The following FGF14 variants were observed in gnomAD, a reference collection of about 807,000 sequenced individuals.
The protein encoded by FGF14 is fibroblast growth factor homologous factor 4.
Under a neutral mutation model 25.5 loss-of-function variants are expected in FGF14, and 5 were observed. That is an observed-to-expected ratio of 0.20 (90% CI 0.10 to 0.41). The LOEUF (loss-of-function observed/expected upper bound fraction) is 0.41. Ranked by LOEUF, FGF14 falls within the 10% of genes least tolerant of loss-of-function variation. The pLI is 1.00. For synonymous variants in FGF14, 138 were observed against 118.3 expected, an observed-to-expected ratio of 1.17 and a Z score of -1.08; for missense variants, 222 against 320.1, an observed-to-expected ratio of 0.69 and a Z score of 2.34.
chr13:102,097,366 T>A (rs2044450902), intron 1 of FGF14, among the ~76,000 whole-genome samples: 3 of 152,200 alleles, frequency 2.0e-5, no homozygotes, highest in Admixed American at 2.0e-4. Flanking sequence ...AAATATACTA[T>A]CCCTTGGTGA....
At chr13:102,112,731 A>G (rs753734127) in intron 1 of FGF14, among the ~76,000 whole-genome samples, 2 of 152,200 alleles carry the variant, frequency 1.3e-5, no homozygotes, top group Non-Finnish European at 2.9e-5. Context: ...ATTTGATTTT[A>G]AAACATGTGC....
At chr13:102,032,642 G>C (rs1479865062) in intron 1 of FGF14, among the ~76,000 whole-genome samples, 1 of 152,044 alleles carries the variant, frequency 6.6e-6, no homozygotes, top group Non-Finnish European at 1.5e-5. Flanking sequence ...GCACTATGTG[G>C]GCCACCCACA....
chr13:101,995,659 T>A (rs1229762874), intron 1 of FGF14, among the ~76,000 whole-genome samples: 1 of 152,126 alleles, frequency 6.6e-6, no homozygotes, highest in African/African-American at 2.4e-5. Context: ...GGCTGAGTAC[T>A]AAAGAAAAGC....
intron 3 of FGF14, among the ~76,000 whole-genome samples, chr13:101,857,398 T>A (rs1167111935): frequency 6.6e-6 from 1 of 152,008 alleles, no homozygotes; most frequent in Non-Finnish European, 1.5e-5. Flanking sequence ...TTTATTAACA[T>A]GTGACTCATC....
intron 1 of FGF14, among the ~76,000 whole-genome samples, chr13:101,898,173 G>T (rs1445853548): frequency 6.6e-6 from 1 of 152,152 alleles, no homozygotes; most frequent in African/African-American, 2.4e-5. Flanking sequence ...GGGATTACAG[G>T]CATGAGCCAT....
At chr13:102,142,544 G>T (rs1372829936) in intron 1 of FGF14, among the ~76,000 whole-genome samples, 2 of 152,060 alleles carry the variant, frequency 1.3e-5, no homozygotes, top group South Asian at 4.1e-4. Context: ...TTATTATTTT[G>T]CTGGAAAAGG....
At chr13:102,122,565 T>C (rs775418433) in intron 1 of FGF14, among the ~76,000 whole-genome samples, 1 of 152,230 alleles carries the variant, frequency 6.6e-6, no homozygotes, top group Non-Finnish European at 1.5e-5. Context: ...TCAGTTGTTA[T>C]ATGACTGCCA....
chr13:101,777,650 G>A (rs2140008282), intron 3 of FGF14, among the ~76,000 whole-genome samples: 1 of 152,284 alleles, frequency 6.6e-6, no homozygotes, highest in Middle Eastern at 3.4e-3. Context: ...GCAGGAGAAA[G>A]TTTTGAATCT....
intron 3 of FGF14, among the ~76,000 whole-genome samples, chr13:101,856,992 T>G (rs1299963628): frequency 6.6e-6 from 1 of 152,030 alleles, no homozygotes; most frequent in Admixed American, 6.6e-5. Flanking sequence ...TCATTGGAGA[T>G]GTTTACATTA....
At chr13:102,344,636 G>C (rs2057048500) in intron 1 of FGF14, among the ~76,000 whole-genome samples, 1 of 152,132 alleles carries the variant, frequency 6.6e-6, no homozygotes, top group South Asian at 2.1e-4. Flanking sequence ...TCAGTCTCTG[G>C]ATGTACAAAG....
At chr13:101,927,627 C>A (rs751360982) in intron 1 of FGF14, among the ~76,000 whole-genome samples, 4 of 152,216 alleles carry the variant, frequency 2.6e-5, no homozygotes, top group Non-Finnish European at 5.9e-5. Flanking sequence ...TAATTCCCAG[C>A]TCTTTGTCAT....
intron 1 of FGF14, among the ~76,000 whole-genome samples, chr13:101,947,288 A>G (rs972625676): frequency 6.6e-6 from 1 of 152,206 alleles, no homozygotes; most frequent in Non-Finnish European, 1.5e-5. Context: ...TTCTCTAAGA[A>G]CTTAAAACAG....
At chr13:101,805,252 G>C (rs1190451225) in intron 3 of FGF14, among the ~76,000 whole-genome samples, 1 of 152,016 alleles carries the variant, frequency 6.6e-6, no homozygotes, top group Non-Finnish European at 1.5e-5. Flanking sequence ...AGAAGATCTT[G>C]AAAACAAGGT....
chr13:102,161,987 T>C (rs536591751), intron 1 of FGF14, among the ~76,000 whole-genome samples: 51 of 152,158 alleles, frequency 3.4e-4, no homozygotes, highest in Non-Finnish European at 6.6e-4. Context: ...GCCTTTCTGA[T>C]GTGTTAATAT....
At chr13:102,298,890 G>A (rs2054875290) in intron 1 of FGF14, among the ~76,000 whole-genome samples, 1 of 152,088 alleles carries the variant, frequency 6.6e-6, no homozygotes, top group African/African-American at 2.4e-5. Context: ...TCTTAAGTAG[G>A]AGCGAAGATG....
chr13:102,384,884 A>G (rs1731474868), intron 1 of FGF14, among the ~76,000 whole-genome samples: 2 of 152,218 alleles, frequency 1.3e-5, no homozygotes, highest in Non-Finnish European at 1.5e-5. Flanking sequence ...AAAAACAAAC[A>G]AACAAAATAA....
At chr13:102,288,760 T>A (rs544332561) in intron 1 of FGF14, among the ~76,000 whole-genome samples, 1 of 151,986 alleles carries the variant, frequency 6.6e-6, no homozygotes, top group African/African-American at 2.4e-5. Context: ...AAGTTTTATA[T>A]TTTTAGTAGA....
At chr13:102,250,000 G>GA (rs2052090043) in intron 1 of FGF14, among the ~76,000 whole-genome samples, 1 of 152,092 alleles carries the variant, frequency 6.6e-6, no homozygotes, top group African/African-American at 2.4e-5. Flanking sequence ...AGCCACAAAA[G>GA]AAAGGGAGAT....
intron 3 of FGF14, among the ~76,000 whole-genome samples, chr13:101,832,466 C>T (rs534188103): frequency 1.3e-5 from 2 of 151,952 alleles, no homozygotes; most frequent in Non-Finnish European, 1.5e-5. Context: ...AGGGAAGGAA[C>T]GTCATTAAAT....
Sources: gnomAD v4.1 joint callset for allele counts (sites outside exome capture counted in the v4.1 genomes callset) on GRCh38, gnomAD v4.1.1 for gene constraint, MANE v1.5 for transcripts, NCBI Gene and HGNC (gene_info 2026-07-23, HGNC 2026-07-21) for gene names.